TPRG1: variants seen among roughly 807,000 people sequenced by gnomAD.
TPRG1 encodes tumor protein p63-regulated gene 1 protein.
TPRG1 carries 29 observed loss-of-function variants against 29.3 expected under a neutral mutation model. That is an observed-to-expected ratio of 0.99 (90% CI 0.74 to 1.35). TPRG1 has a LOEUF of 1.35. TPRG1 is among the 40% of genes most tolerant of loss of function. The pLI, the probability that TPRG1 is intolerant of heterozygous loss-of-function variation, is 0.00. For missense variants in TPRG1, 327 were observed against 335.0 expected (o/e 0.98, Z 0.19); for synonymous variants, 130 against 116.8 (o/e 1.11, Z -0.73).
intron 1 of TPRG1, among the ~76,000 whole-genome samples, chr3:189,115,517 A>C (rs1423524407): frequency 1.3e-5 from 2 of 152,218 alleles, no homozygotes. Flanking sequence ...CAAAGAAGGC[A>C]TAGATTTGTC....
intron 4 of TPRG1, among the ~76,000 whole-genome samples, chr3:189,272,633 TTC>T (rs890784648): frequency 3.3e-5 from 5 of 151,920 alleles, no homozygotes; most frequent in African/African-American, 7.2e-5. Flanking sequence ...TTCTTTATCT[TTC>T]TCTCTCTCTC....
chr3:189,318,895 T>G (rs921894721), intron 5 of TPRG1, among the ~76,000 whole-genome samples: 3 of 152,206 alleles, frequency 2.0e-5, no homozygotes, highest in African/African-American at 7.2e-5. Flanking sequence ...AAACTAAATT[T>G]TCTAAAAATT....
chr3:189,190,727 T>A (rs1731567217), intron 1 of TPRG1, among the ~76,000 whole-genome samples: 1 of 152,186 alleles, frequency 6.6e-6, no homozygotes, highest in Non-Finnish European at 1.5e-5. Flanking sequence ...AATGTGCATA[T>A]TTTTATAGAT....
intron 5 of TPRG1, chr3:189,313,103 T>C (rs1722967622): frequency 6.6e-6 from 1 of 152,160 alleles, no homozygotes; most frequent in African/African-American, 2.4e-5. Context: ...GCCAAGCTAT[T>C]TCTTATTCAA....
At position 189,175,771 on chromosome 3, in the gene TPRG1, A is replaced by G. The variant is rs1249423121; in HGVS notation, c.-10+3640A>G. On this transcript the variant is annotated intron_variant, in intron 1 of 5. Transcript: ENST00000345063. ...ATTTTTAAAATATGTTAAGCAACCT[A>G]TAAGACTCATTTAAAAATATGGAAA... Among the ~76,000 whole-genome samples, 4 of 152,260 alleles carry G rather than the reference A, an allele frequency of 2.6e-5. No homozygotes were observed. In the East Asian group the frequency reaches 7.7e-4, roughly 29 times the overall value.
At chr3:189,023,681 G>A (rs997882274) in intron 3 of TPRG1, 1 of 152,298 alleles carries the variant, frequency 6.6e-6, no homozygotes, top group African/African-American at 2.4e-5. Flanking sequence ...GGGTTATTGT[G>A]TTTCTTTTTT....
intron 3 of TPRG1, chr3:189,023,710 T>C (rs1713502804): frequency 6.5e-6 from 1 of 152,680 alleles, no homozygotes; most frequent in Non-Finnish European, 1.5e-5. Flanking sequence ...TTTTGTTTGT[T>C]TGTTGTTTTT....
intron 4 of TPRG1, among the ~76,000 whole-genome samples, chr3:189,251,260 A>G (rs1225368993): frequency 6.6e-6 from 1 of 151,900 alleles, no homozygotes. Flanking sequence ...TTAATAAAAC[A>G]GAGTTTTGTT....
intron 4 of TPRG1, among the ~76,000 whole-genome samples, chr3:189,298,000 G>T (rs572143265): frequency 1.3e-5 from 2 of 152,232 alleles, no homozygotes; most frequent in South Asian, 2.1e-4. Context: ...AAGCTCTGTG[G>T]TAGAAGTAAA....
intron 5 of TPRG1, 55 bp downstream of exon 5, chr3:189,310,594 G>A: frequency 7.3e-7 from 1 of 1,367,506 alleles, no homozygotes; most frequent in Non-Finnish European, 1.0e-6. Flanking sequence ...GGAGCTATGT[G>A]CTTCTAGGGA....
Position 189,126,326 on chromosome 3 carries a change from C to A in TPRG1, c.-743-731C>A, listed in dbSNP as rs79848665. On this transcript the variant is annotated intron_variant, in intron 1 of 6. Coordinates refer to the TPRG1 transcript ENST00000412373. ...AATACCACTCTGCTTTCAGACAGAA[C>A]TTGAAGGTTATTTCTTCTTTCCTTA... Among the ~76,000 whole-genome samples the A allele has an allele frequency of 4.6e-3, 707 of 152,242 alleles. 3 individuals carry two copies. The highest frequency in any genetic ancestry group is 0.016 in the African/African-American group (669 of 41,534).
intron 3 of TPRG1, among the ~76,000 whole-genome samples, chr3:189,220,241 T>C (rs1037313441): frequency 6.6e-6 from 1 of 151,768 alleles, no homozygotes; most frequent in East Asian, 1.9e-4. Context: ...ATTAGATGTT[T>C]ACTATTCTTG....
intron 3 of TPRG1, among the ~76,000 whole-genome samples, chr3:189,218,579 G>T (rs1736459762): frequency 6.6e-6 from 1 of 152,190 alleles, no homozygotes; most frequent in South Asian, 2.1e-4. Context: ...AATGATGAGA[G>T]TAAAAGCCCT....
At chr3:189,160,314 T>G (rs1727301939) in intron 5 of TPRG1, among the ~76,000 whole-genome samples, 1 of 152,218 alleles carries the variant, frequency 6.6e-6, no homozygotes, top group African/African-American at 2.4e-5. Context: ...AAGAACCCTG[T>G]GCAAGTGATT....
intron 4 of TPRG1, among the ~76,000 whole-genome samples, chr3:189,057,147 G>GA (rs1472678209): frequency 6.6e-6 from 1 of 152,200 alleles, no homozygotes; most frequent in African/African-American, 2.4e-5. Flanking sequence ...GGCTGAGTGA[G>GA]AAAATCTTCC....
In TPRG1 at chr3:189,310,483, A is replaced by G. The variant is rs752141637; in HGVS notation, c.577A>G (p.Thr193Ala). The G allele has an allele frequency of 3.3e-5, 54 of 1,612,746 alleles. No individual in the cohort carries two copies. Among genetic ancestry groups the G allele is most frequent in the East Asian group, 1.1e-4 (5 of 44,854 alleles). The change falls in exon 5 of 6, where the codon ACT becomes GCT. Residue 193 changes from threonine to alanine, a missense_variant. Transcript: ENST00000345063. The part of the protein sequence containing the change: ...NPWSTEVPYA[T>A]FTEHPMKYTS... Reference sequence around the variant, plus strand: ...ATGGTCCACTGAAGTTCCTTATGCTACTTTCACTGAGCATCCTATGAAATA... The same window carrying G: ...ATGGTCCACTGAAGTTCCTTATGCTGCTTTCACTGAGCATCCTATGAAATA...
At chr3:189,082,959 A>G (rs930868348) in intron 4 of TPRG1, among the ~76,000 whole-genome samples, 1 of 152,076 alleles carries the variant, frequency 6.6e-6, no homozygotes, top group African/African-American at 2.4e-5. Flanking sequence ...AAGGAAGAGA[A>G]ATGGTATTTG....
chr3:189,215,562 A>T (rs558505279), intron 3 of TPRG1, among the ~76,000 whole-genome samples, 179 bp downstream of exon 3: 3 of 152,152 alleles, frequency 2.0e-5, no homozygotes, highest in Admixed American at 1.3e-4. Flanking sequence ...ATGACCAGAT[A>T]TGACTCCTAT....
intron 4 of TPRG1, among the ~76,000 whole-genome samples, chr3:189,059,228 C>T (rs2152143521): frequency 6.6e-6 from 1 of 152,268 alleles, no homozygotes; most frequent in South Asian, 2.1e-4. Flanking sequence ...CTAATATTTT[C>T]CAAGCACTTT....
Sources: allele counts gnomAD v4.1 joint callset (sites outside exome capture counted in the v4.1 genomes callset), GRCh38; gene constraint gnomAD v4.1.1; transcripts MANE v1.5; gene names NCBI Gene and HGNC (gene_info 2026-07-23, HGNC 2026-07-21).